Variants in BCL2 observed in about 807,000 individuals in gnomAD.
BCL2 encodes apoptosis regulator Bcl-2.
BCL2 carries 1 observed loss-of-function variant against 14.2 expected under a neutral mutation model. The ratio of observed to expected loss-of-function variants is 0.07; its 90% CI spans 0.02 to 0.33. BCL2 has a LOEUF of 0.33. BCL2 is among the 10% of genes least tolerant of loss of function. BCL2 has a pLI of 0.99. For missense variants in BCL2, 247 were observed against 305.9 expected, an observed-to-expected ratio of 0.81 and a Z score of 1.44; for synonymous variants, 151 against 137.2, an observed-to-expected ratio of 1.10 and a Z score of -0.70.
Position 63,126,550 on chromosome 18 carries a change from A to G in BCL2, c.*2075T>C. 1 of 229,456 alleles carries G rather than the reference A, an allele frequency of 4.4e-6. No individual in the cohort carries two copies. The highest frequency in any genetic ancestry group is 8.7e-6 in the Non-Finnish European group (1 of 115,594). 14.2% of individuals were successfully genotyped at this position (229,456 alleles called of 1,614,324 possible). A position where few individuals can be genotyped will look rare whatever the true frequency, so the allele number is the denominator to read the frequency against. ...ACCTTCAAGAAACAAGGTCAAAGGG[A>G]CAACAGATATAACTGTCACAATAAA... On this transcript the variant is annotated 3_prime_UTR_variant, in exon 3 of 3. Transcript: ENST00000333681.
intron 2 of BCL2, among the ~76,000 whole-genome samples, chr18:63,174,270 C>G (rs1915296594): frequency 6.6e-6 from 1 of 152,086 alleles, no homozygotes; most frequent in Non-Finnish European, 1.5e-5. Flanking sequence ...GCTAAGGGAC[C>G]CAGCCAAGAC....
chr18:63,274,623 C>G (rs976163869), intron 2 of BCL2, among the ~76,000 whole-genome samples: 1 of 152,106 alleles, frequency 6.6e-6, no homozygotes, highest in Non-Finnish European at 1.5e-5. Flanking sequence ...TTTTCCTACA[C>G]TGGATATGCA....
chr18:63,159,087 A>C (rs1914852869), intron 2 of BCL2, among the ~76,000 whole-genome samples: 2 of 152,228 alleles, frequency 1.3e-5, no homozygotes, highest in South Asian at 4.1e-4. Context: ...ATACTCATGT[A>C]CCATAAAAGG....
intron 2 of BCL2, among the ~76,000 whole-genome samples, chr18:63,305,580 T>A (rs1013543944): frequency 2.0e-5 from 3 of 152,066 alleles, no homozygotes; most frequent in African/African-American, 7.2e-5. Context: ...AACTTTAAAA[T>A]CCTACGTAAA....
At chr18:63,280,659 C>T (rs1205180084) in intron 2 of BCL2, among the ~76,000 whole-genome samples, 3 of 152,136 alleles carry the variant, frequency 2.0e-5, no homozygotes, top group Non-Finnish European at 1.5e-5. Flanking sequence ...ATGAAGAGGG[C>T]CATCTTGAAA....
At chr18:63,244,209 C>T (rs1024927618) in intron 2 of BCL2, among the ~76,000 whole-genome samples, 1 of 152,162 alleles carries the variant, frequency 6.6e-6, no homozygotes, top group South Asian at 2.1e-4. Flanking sequence ...GAAACCCTGT[C>T]TCTACCAAAA....
intron 2 of BCL2, among the ~76,000 whole-genome samples, chr18:63,163,182 G>C (rs1214935186): frequency 1.3e-5 from 2 of 151,978 alleles, no homozygotes; most frequent in African/African-American, 4.8e-5. Context: ...TTACCTTCTG[G>C]GAGCACTCTT....
At chr18:63,213,557 C>CACAG (rs1470950009) in intron 2 of BCL2, among the ~76,000 whole-genome samples, 1 of 151,010 alleles carries the variant, frequency 6.6e-6, no homozygotes, top group Non-Finnish European at 1.5e-5. Context: ...AACACACACA[C>CACAG]ACACACACAC....
chr18:63,137,271 G>A (rs895764054), intron 2 of BCL2, among the ~76,000 whole-genome samples: 29 of 152,080 alleles, frequency 1.9e-4, no homozygotes, highest in Admixed American at 6.5e-5. Context: ...AATAATCCTC[G>A]GCTGTTCCCT....
At position 63,231,823 on chromosome 18, in the gene BCL2, A is replaced by G. The variant is rs546779319; in HGVS notation, c.585+86259T>C. Among the ~76,000 whole-genome samples, 138 of 152,252 alleles carry G rather than the reference A, an allele frequency of 9.1e-4. No individual in the cohort carries two copies. In the Middle Eastern group the frequency reaches 0.02, roughly 23 times the overall value. On this transcript the variant is annotated intron_variant, in intron 2 of 2. Coordinates refer to ENST00000333681, the MANE Select transcript of BCL2 (RefSeq NM_000633.3). ...TAAAAATCCCAGAAAGGTTTTCTTC[A>G]TGGATATTTGTAACCGGTTTTAAAA...
chr18:63,313,337 T>C (rs1273829538), intron 2 of BCL2, among the ~76,000 whole-genome samples: 1 of 152,136 alleles, frequency 6.6e-6, no homozygotes, highest in Non-Finnish European at 1.5e-5. Context: ...TGCTTAGACA[T>C]CAAACATTAA....
chr18:63,193,826 G>C (rs1909364623), intron 2 of BCL2, among the ~76,000 whole-genome samples: 1 of 151,948 alleles, frequency 6.6e-6, no homozygotes, highest in Non-Finnish European at 1.5e-5. Flanking sequence ...GCATGGTATT[G>C]AAAAGACTGA....
chr18:63,295,926 A>T (rs1002238146), intron 2 of BCL2, among the ~76,000 whole-genome samples: 2 of 152,150 alleles, frequency 1.3e-5, no homozygotes, highest in Non-Finnish European at 2.9e-5. Context: ...CCCTAACAGT[A>T]GTTGACTCCC....
intron 2 of BCL2, among the ~76,000 whole-genome samples, chr18:63,256,667 G>A (rs1247282770): frequency 1.3e-5 from 2 of 152,126 alleles, no homozygotes; most frequent in African/African-American, 4.8e-5. Context: ...GCTTACAAAT[G>A]GCTTAGACTA....
intron 2 of BCL2, among the ~76,000 whole-genome samples, chr18:63,144,882 C>A (rs939733493): frequency 6.6e-6 from 1 of 152,182 alleles, no homozygotes; most frequent in African/African-American, 2.4e-5. Context: ...CCCCCGCCCC[C>A]GCCGCCCTGG....
At chr18:63,267,345 G>A (rs879832748) in intron 2 of BCL2, among the ~76,000 whole-genome samples, 8 of 152,162 alleles carry the variant, frequency 5.3e-5, no homozygotes, top group Non-Finnish European at 8.8e-5. Flanking sequence ...GCAACTCAAG[G>A]AGGAAATGAT....
intron 2 of BCL2, chr18:63,315,003 G>C (rs1913453466): frequency 6.6e-6 from 1 of 152,142 alleles, no homozygotes; most frequent in African/African-American, 2.4e-5. Flanking sequence ...TAACACTATA[G>C]ATCTTTAAGG....
At chr18:63,241,362 C>A (rs866237056) in intron 2 of BCL2, among the ~76,000 whole-genome samples, 9 of 152,098 alleles carry the variant, frequency 5.9e-5, no homozygotes, top group African/African-American at 2.2e-4. Flanking sequence ...ATTAGCTGAC[C>A]CACCAAGCAT....
rs369093513 is a variant in BCL2 at position 63,244,593 on chromosome 18, G to A, written c.585+73489C>T. ...ATTTCCAGAAGTTTCGTTTGGCAGA[G>A]TAAATGGACTCCCCTTATCAGTATG... On this transcript the variant is annotated intron_variant, in intron 2 of 2. Coordinates refer to ENST00000333681, the MANE Select transcript of BCL2 (RefSeq NM_000633.3). 1.3e-4 allele frequency among the ~76,000 whole-genome samples: 20 copies of A among 152,286 alleles called. No homozygotes were observed. In the East Asian group the frequency reaches 1.9e-3, roughly 15 times the overall value.
Sources: allele counts gnomAD v4.1 joint callset (sites outside exome capture counted in the v4.1 genomes callset), GRCh38; gene constraint gnomAD v4.1.1; transcripts MANE v1.5; gene names NCBI Gene and HGNC (gene_info 2026-07-23, HGNC 2026-07-21).